TMEM232: variants seen among roughly 807,000 people sequenced by gnomAD.
The protein encoded by TMEM232 is transmembrane protein 232.
TMEM232 carries 80 observed loss-of-function variants against 78.8 expected under a neutral mutation model. That is an observed-to-expected ratio of 1.01 (90% confidence interval 0.85 to 1.22). TMEM232 has a LOEUF of 1.22. TMEM232 is among the 50% of genes most tolerant of loss of function. The pLI is 0.00. For synonymous variants in TMEM232, 297 were observed against 254.3 expected (o/e 1.17, Z -1.60); for missense variants, 881 against 742.2 (o/e 1.19, Z -2.17).
intron 10 of TMEM232, among the ~76,000 whole-genome samples, chr5:110,575,355 T>C (rs1239714293): frequency 6.6e-6 from 1 of 152,028 alleles, no homozygotes; most frequent in Non-Finnish European, 1.5e-5. Context: ...GTTAGCTGAT[T>C]CTTTTATTAG....
intron 1 of TMEM232, among the ~76,000 whole-genome samples, chr5:110,705,742 G>A (rs868690193): frequency 0.041 from 5,962 of 147,038 alleles, 404 homozygotes; most frequent in African/African-American, 0.14. Flanking sequence ...ACACATATGT[G>A]TGTGTGTGTG....
At chr5:110,585,758 T>C (rs1343712687) in intron 10 of TMEM232, among the ~76,000 whole-genome samples, 1 of 152,054 alleles carries the variant, frequency 6.6e-6, no homozygotes, top group Non-Finnish European at 1.5e-5. Flanking sequence ...AAAGAGTGCC[T>C]GCAGCAGTTT....
chr5:110,645,371 T>G (rs1367038556), intron 2 of TMEM232, among the ~76,000 whole-genome samples: 1 of 150,144 alleles, frequency 6.7e-6, no homozygotes, highest in Admixed American at 6.7e-5. Context: ...AAAACAATTA[T>G]ACACCATGAC....
At chr5:110,608,521 A>G (rs547815560) in intron 8 of TMEM232, among the ~76,000 whole-genome samples, 1 of 152,036 alleles carries the variant, frequency 6.6e-6, no homozygotes, top group Non-Finnish European at 1.5e-5. Flanking sequence ...TTTCATAATC[A>G]GAAGGTTTTG....
At chr5:110,533,418 G>C (rs750347841) in intron 11 of TMEM232, among the ~76,000 whole-genome samples, 1 of 152,120 alleles carries the variant, frequency 6.6e-6, no homozygotes, top group Non-Finnish European at 1.5e-5. Flanking sequence ...AGCCAGGACC[G>C]CACCCTGTAG....
At chr5:110,693,735 A>G (rs547604658) in intron 1 of TMEM232, among the ~76,000 whole-genome samples, 2 of 152,306 alleles carry the variant, frequency 1.3e-5, no homozygotes, top group Admixed American at 6.5e-5. Context: ...GAAATGAAGC[A>G]AGAAGGGAAG....
At chr5:110,606,692 T>G (rs1472962442) in intron 8 of TMEM232, among the ~76,000 whole-genome samples, 1 of 151,936 alleles carries the variant, frequency 6.6e-6, no homozygotes, top group Non-Finnish European at 1.5e-5. Flanking sequence ...ACACAGCAAT[T>G]TTTTAAAAAC....
intron 12 of TMEM232, among the ~76,000 whole-genome samples, chr5:110,459,815 T>C (rs909740395): frequency 1.2e-4 from 18 of 152,170 alleles, no homozygotes; most frequent in Non-Finnish European, 8.8e-5. Context: ...CAAATGAATG[T>C]CATCCCTGAT....
rs1312137556 is a variant in TMEM232 at position 110,657,631 on chromosome 5, AAT to A, written c.125+9595_125+9596del. ...TGGAGGGAACTGGGAGAGGTTGGTC[AAT>A]GGGTACAAAGTTACAGTTAAGAAGA... On this transcript the variant is annotated intron_variant, in intron 2 of 13. Coordinates refer to ENST00000455884, the MANE Select transcript of TMEM232 (RefSeq NM_001039763.4). 2.0e-5 allele frequency among the ~76,000 whole-genome samples: 3 copies of A among 152,228 alleles called. No homozygotes were observed. The East Asian group carries it at 5.8e-4, about 29-fold the overall frequency.
intron 1 of TMEM232, among the ~76,000 whole-genome samples, chr5:110,715,556 T>C (rs1042592507): frequency 2.0e-5 from 3 of 152,248 alleles, no homozygotes; most frequent in African/African-American, 7.2e-5. Flanking sequence ...TTTATGAAAA[T>C]ACATTCTGCT....
chr5:110,698,188 A>G (rs1189936507), intron 1 of TMEM232, among the ~76,000 whole-genome samples: 1 of 151,872 alleles, frequency 6.6e-6, no homozygotes, highest in African/African-American at 2.4e-5. Context: ...ATCACAAGGA[A>G]AAAAACCAAA....
At chr5:110,549,605 C>CAAAAA (rs1209595068) in intron 11 of TMEM232, among the ~76,000 whole-genome samples, 8 of 45,420 alleles carry the variant, frequency 1.8e-4, no homozygotes, top group Admixed American at 5.0e-4. Flanking sequence ...GTCCCTGTCT[C>CAAAAA]AAAAAAAAAA....
intron 10 of TMEM232, among the ~76,000 whole-genome samples, chr5:110,590,779 G>A (rs889726475): frequency 1.3e-5 from 2 of 152,168 alleles, no homozygotes; most frequent in African/African-American, 2.4e-5. Flanking sequence ...GTTCCACATG[G>A]CTAGGGAAGC....
chr5:110,497,495 A>G (rs1484046925), intron 12 of TMEM232, among the ~76,000 whole-genome samples: 1 of 152,126 alleles, frequency 6.6e-6, no homozygotes, highest in African/African-American at 2.4e-5. Flanking sequence ...AAATAAAGAC[A>G]GGGGCTTTGT....
chr5:110,658,514 G>A (rs184092404), intron 2 of TMEM232, among the ~76,000 whole-genome samples: 45 of 152,224 alleles, frequency 3.0e-4, no homozygotes, highest in Admixed American at 2.2e-3. Context: ...TGAGCAGAGA[G>A]CCATTTAGAA....
At chr5:110,607,814 T>C (rs189364744) in intron 8 of TMEM232, among the ~76,000 whole-genome samples, 114 of 151,770 alleles carry the variant, frequency 7.5e-4, no homozygotes, top group African/African-American at 2.5e-3. Context: ...CCTTTGCGCA[T>C]CCTCTTCCTC....
At chr5:110,624,789 T>C (rs185074201) in intron 7 of TMEM232, among the ~76,000 whole-genome samples, 4 of 152,152 alleles carry the variant, frequency 2.6e-5, no homozygotes, top group Non-Finnish European at 5.9e-5. Context: ...CATGGGAAAA[T>C]TATAAGGTAA....
chr5:110,605,364 A>G lies in TMEM232; in HGVS notation c.1027-6T>C. 1.3e-6 allele frequency: 2 copies of G among 1,538,714 alleles called. No homozygotes were observed. The highest frequency in any genetic ancestry group is 1.8e-6 in the Non-Finnish European group (2 of 1,140,510). The stretch of plus-strand genomic sequence containing the variant: ...TCTACCTTGCAACTTTCTTCCTGAA[A>G]TGAGAAAATAGATATTTGATCATCA... On this transcript the variant is annotated splice_polypyrimidine_tract_variant and splice_region_variant and intron_variant, in intron 9 of 13. Transcript: ENST00000455884.
At chr5:110,431,930 GA>G (rs1368927528) in intron 12 of TMEM232, among the ~76,000 whole-genome samples, 2 of 151,730 alleles carry the variant, frequency 1.3e-5, no homozygotes, top group East Asian at 1.9e-4. Flanking sequence ...TATAAAAAGA[GA>G]AATGAATCAA....
Sources: allele counts gnomAD v4.1 joint callset (sites outside exome capture counted in the v4.1 genomes callset), GRCh38; gene constraint gnomAD v4.1.1; transcripts MANE v1.5; gene names NCBI Gene and HGNC (gene_info 2026-07-23, HGNC 2026-07-21).